The following DNAH9 variants were observed in gnomAD, a reference collection of about 807,000 sequenced individuals.
DNAH9 encodes the protein dynein axonemal heavy chain 9.
In DNAH9, 345 loss-of-function variants were observed where a neutral mutation model predicts 471.6. The observed-to-expected ratio is 0.73, with a 90% CI of 0.67 to 0.80. The LOEUF is 0.80. DNAH9 is among the 30% of genes least tolerant of loss of function. The pLI is 0.00. For missense variants in DNAH9, 5,407 were observed against 5,609.2 expected (o/e 0.96, Z 1.15); for synonymous variants, 2,093 against 2,123.6 (o/e 0.99, Z 0.40).
chr17:11,830,109 G>A (rs1970636980), intron 48 of DNAH9, among the ~76,000 whole-genome samples: 1 of 152,168 alleles, frequency 6.6e-6, no homozygotes, highest in Admixed American at 6.5e-5. Flanking sequence ...ACTGGCTCTG[G>A]TGGCCAGTGC....
chr17:11,744,200 C>G (rs4792164), intron 30 of DNAH9, among the ~76,000 whole-genome samples: 144,429 of 152,118 alleles, frequency 0.95, 68,991 homozygotes, highest in East Asian at 1. Context: ...GCTTGGGCTT[C>G]AACAGAAGTC....
At chr17:11,793,695 T>C in intron 42 of DNAH9, 31 bp downstream of exon 42, 2 of 1,519,958 alleles carry the variant, frequency 1.3e-6, no homozygotes, top group Admixed American at 2.1e-5. Flanking sequence ...TTTCTTTGTA[T>C]TTGAAAAAAA....
At chr17:11,613,673 C>T (rs952084658) in intron 4 of DNAH9, among the ~76,000 whole-genome samples, 12 of 152,100 alleles carry the variant, frequency 7.9e-5, no homozygotes, top group African/African-American at 2.9e-4. Context: ...ACCAGCTTTC[C>T]ATTTATGGTA....
In DNAH9 at chr17:11,669,596, C is replaced by G. The variant is rs760026440; in HGVS notation, c.3155C>G (p.Pro1052Arg). ...DHVEDGIPEN[P>R]PLLSQFKVQI... The stretch of plus-strand genomic sequence containing the variant: ...GTGGAAGATGGCATCCCAGAGAACC[C>G]TCCCCTCCTTTCTCAGTTTAAAGTG... Residue 1052 changes from proline to arginine, a missense_variant, in exon 17 of 69, where the codon CCT becomes CGT. Transcript: ENST00000262442. 1.9e-6 allele frequency: 3 copies of G among 1,614,048 alleles called. No individual in the cohort carries two copies. Among genetic ancestry groups the G allele is most frequent in the Non-Finnish European group, 2.5e-6 (3 of 1,180,018 alleles).
chr17:11,791,433 C>T lies in DNAH9; in HGVS notation c.8062-2070C>T, dbSNP rs150528814. Among the ~76,000 whole-genome samples, 227 of 152,292 alleles carry T rather than the reference C, an allele frequency of 1.5e-3. 3 individuals are homozygous for T. The highest frequency in any genetic ancestry group is 5.0e-3 in the African/African-American group (206 of 41,556). On this transcript the variant is annotated intron_variant, in intron 41 of 68. Transcript: ENST00000262442. ...TAAAGAAAAAATAATAATTTGACAA[C>T]GGGTGAGGTGGCTCTTGCCTGTAAT...
chr17:11,619,958 A>C (rs901768813), intron 6 of DNAH9, 177 bp downstream of exon 6: 6 of 584,808 alleles, frequency 1.0e-5, no homozygotes, highest in Non-Finnish European at 1.8e-5. Context: ...CTGTAATCCC[A>C]CTAGCACTTT....
intron 49 of DNAH9, among the ~76,000 whole-genome samples, chr17:11,836,628 G>C (rs1251400466): frequency 6.6e-6 from 1 of 152,064 alleles, no homozygotes; most frequent in Non-Finnish European, 1.5e-5. Context: ...TCACCTGTAG[G>C]CCTTTAATTA....
chr17:11,788,433 T>G (rs1968949915), intron 41 of DNAH9, among the ~76,000 whole-genome samples: 1 of 152,218 alleles, frequency 6.6e-6, no homozygotes, highest in Admixed American at 6.5e-5. Context: ...CTCACCTATG[T>G]AATCACCACT....
chr17:11,703,246 G>A (rs2074635980), intron 24 of DNAH9, among the ~76,000 whole-genome samples: 1 of 152,148 alleles, frequency 6.6e-6, no homozygotes, highest in Admixed American at 6.5e-5. Flanking sequence ...ATCCTCTCAA[G>A]TTATCCCAGT....
At chr17:11,643,693 A>G (rs1010896114) in intron 10 of DNAH9, among the ~76,000 whole-genome samples, 6 of 152,174 alleles carry the variant, frequency 3.9e-5, no homozygotes, top group Admixed American at 1.3e-4. Flanking sequence ...AACACGCTCT[A>G]TGATCAATAT....
At chr17:11,928,829 A>T (rs1320780110) in intron 62 of DNAH9, among the ~76,000 whole-genome samples, 1 of 152,168 alleles carries the variant, frequency 6.6e-6, no homozygotes, top group East Asian at 1.9e-4. Flanking sequence ...GTATGTACCA[A>T]TTACCGGAGG....
intron 50 of DNAH9, among the ~76,000 whole-genome samples, chr17:11,865,632 T>A (rs1972021979): frequency 6.6e-6 from 1 of 151,816 alleles, no homozygotes; most frequent in Non-Finnish European, 1.5e-5. Context: ...CTTGGTTCCA[T>A]TCTCCCCGTC....
intron 58 of DNAH9, among the ~76,000 whole-genome samples, chr17:11,893,709 A>G (rs11659023): frequency 0.64 from 97,269 of 151,438 alleles, 32,583 homozygotes; most frequent in Middle Eastern, 0.75. Context: ...GGGGCCTGTC[A>G]GGGGGTGGAG....
chr17:11,718,061 G>T (rs2074996279), intron 26 of DNAH9, among the ~76,000 whole-genome samples: 1 of 136,076 alleles, frequency 7.3e-6, no homozygotes, highest in African/African-American at 2.6e-5. Context: ...TGTGTGTGTA[G>T]ATATGGGGTT....
At chr17:11,882,438 G>T (rs1210679738) in intron 55 of DNAH9, among the ~76,000 whole-genome samples, 1 of 152,198 alleles carries the variant, frequency 6.6e-6, no homozygotes, top group Non-Finnish European at 1.5e-5. Flanking sequence ...AATGTGATTA[G>T]ATTATACAAT....
intron 7 of DNAH9, chr17:11,630,131 C>T (rs1361540566): frequency 3.3e-5 from 5 of 153,050 alleles, no homozygotes; most frequent in Admixed American, 1.9e-4. Flanking sequence ...ATGGTGAAGA[C>T]GGTTAACAAT....
chr17:11,673,699 A>T (rs532024190), intron 17 of DNAH9, among the ~76,000 whole-genome samples: 1 of 152,086 alleles, frequency 6.6e-6, no homozygotes, highest in South Asian at 2.1e-4. Flanking sequence ...ACAATATTAA[A>T]GAGAATATGT....
At chr17:11,808,839 G>A (rs1969785090) in intron 44 of DNAH9, among the ~76,000 whole-genome samples, 1 of 152,102 alleles carries the variant, frequency 6.6e-6, no homozygotes, top group South Asian at 2.1e-4. Context: ...TGGGCATCAC[G>A]ATTTTTCAAA....
rs1284492942 is a variant in DNAH9 at position 11,863,392 on chromosome 17, G to T, written c.9934-5742G>T. The stretch of plus-strand genomic sequence containing the variant: ...AAGCCCACTTGATCACAGTGGATAA[G>T]CTTTTTGATGTGCTGCTGGATTCGG... On this transcript the variant is annotated intron_variant, in intron 50 of 68. Coordinates refer to ENST00000262442, the MANE Select transcript of DNAH9 (RefSeq NM_001372.4). 2.0e-5 allele frequency among the ~76,000 whole-genome samples: 3 copies of T among 152,170 alleles called. No individual in the cohort carries two copies. In the East Asian group the frequency reaches 5.8e-4, roughly 29 times the overall value.
Sources: allele counts gnomAD v4.1 joint callset (sites outside exome capture counted in the v4.1 genomes callset), GRCh38; gene constraint gnomAD v4.1.1; transcripts MANE v1.5; gene names NCBI Gene and HGNC (gene_info 2026-07-23, HGNC 2026-07-21).